DLGAP2: variants seen among roughly 807,000 people sequenced by gnomAD.
DLGAP2 encodes the protein DLG associated protein 2, also known as disks large-associated protein 2.
A neutral mutation model predicts 100.3 loss-of-function variants in DLGAP2; 26 were observed. That is an observed-to-expected ratio of 0.26 (90% confidence interval 0.19 to 0.36). The LOEUF (loss-of-function observed/expected upper bound fraction) is 0.36, where lower values mean the gene tolerates loss of function less well. Among genes scored for constraint, DLGAP2 ranks in the 10% least tolerant of loss-of-function variants. DLGAP2 has a pLI of 1.00. For synonymous variants in DLGAP2, 886 were observed against 630.1 expected (o/e 1.41, Z -6.08); for missense variants, 1,858 against 1,453.2 (o/e 1.28, Z -4.53).
intron 2 of DLGAP2, among the ~76,000 whole-genome samples, chr8:1,158,343 T>C (rs1425452657): frequency 6.6e-6 from 1 of 152,252 alleles, no homozygotes; most frequent in African/African-American, 2.4e-5. Flanking sequence ...TATGTGCATG[T>C]ATGTATGTAC....
At chr8:1,522,896 G>T (rs1372520132) in intron 4 of DLGAP2, among the ~76,000 whole-genome samples, 4 of 152,244 alleles carry the variant, frequency 2.6e-5, no homozygotes, top group African/African-American at 7.2e-5. Flanking sequence ...TTAGGGAGTA[G>T]CTCTACATTG....
At chr8:1,576,206 C>A (rs1802969666) in intron 6 of DLGAP2, among the ~76,000 whole-genome samples, 1 of 152,314 alleles carries the variant, frequency 6.6e-6, no homozygotes, top group South Asian at 2.1e-4. Flanking sequence ...ATTTGCATTT[C>A]TCTGATGGCC....
At chr8:773,800 A>G (rs989332081) in intron 1 of DLGAP2, among the ~76,000 whole-genome samples, 1 of 152,196 alleles carries the variant, frequency 6.6e-6, no homozygotes, top group Admixed American at 6.5e-5. Context: ...TAATACCACA[A>G]TAAACATACA....
intron 1 of DLGAP2, among the ~76,000 whole-genome samples, chr8:872,567 G>C (rs1487483176): frequency 6.6e-6 from 1 of 152,068 alleles, no homozygotes; most frequent in African/African-American, 2.4e-5. Context: ...GACCTCAGGT[G>C]ATCCACCCAC....
chr8:921,964 G>A (rs543329203), intron 2 of DLGAP2, among the ~76,000 whole-genome samples: 4 of 152,344 alleles, frequency 2.6e-5, no homozygotes, highest in East Asian at 1.9e-4. Flanking sequence ...GGTGGGAGCC[G>A]GCTGCAGGCT....
chr8:1,272,792 C>T (rs1585212477), intron 3 of DLGAP2, among the ~76,000 whole-genome samples: 2 of 152,170 alleles, frequency 1.3e-5, no homozygotes, highest in East Asian at 3.9e-4. Flanking sequence ...CTCTCTAGAG[C>T]TGTCAAAGAA....
chr8:1,219,055 A>G (rs1289073291), intron 2 of DLGAP2, among the ~76,000 whole-genome samples: 1 of 152,228 alleles, frequency 6.6e-6, no homozygotes, highest in Non-Finnish European at 1.5e-5. Context: ...GTATAGAATC[A>G]TATAGTCTAA....
At chr8:960,492 C>G (rs763914908) in intron 2 of DLGAP2, among the ~76,000 whole-genome samples, 1 of 151,962 alleles carries the variant, frequency 6.6e-6, no homozygotes. Context: ...GCCTTGGCCT[C>G]CCAAAGTGCT....
chr8:1,121,869 C>T (rs750124026), intron 2 of DLGAP2, among the ~76,000 whole-genome samples: 7 of 152,230 alleles, frequency 4.6e-5, no homozygotes, highest in Non-Finnish European at 5.9e-5. Flanking sequence ...AACCTTCTAT[C>T]CTTGTTCCTT....
chr8:1,182,983 G>C (rs746804880), intron 2 of DLGAP2, among the ~76,000 whole-genome samples: 1 of 152,192 alleles, frequency 6.6e-6, no homozygotes, highest in Admixed American at 6.5e-5. Flanking sequence ...ACATTCGAGC[G>C]AGCTGGGGCC....
chr8:1,223,041 C>G (rs1798346956), intron 2 of DLGAP2, among the ~76,000 whole-genome samples: 1 of 152,192 alleles, frequency 6.6e-6, no homozygotes, highest in Non-Finnish European at 1.5e-5. Flanking sequence ...CTGCCAACTC[C>G]TTGGGCACTT....
At chr8:1,088,361 G>A (rs1249552882) in intron 2 of DLGAP2, among the ~76,000 whole-genome samples, 1 of 147,746 alleles carries the variant, frequency 6.8e-6, no homozygotes, top group African/African-American at 2.5e-5. Flanking sequence ...GGGTGACACA[G>A]GACTTTCTAA....
intron 1 of DLGAP2, among the ~76,000 whole-genome samples, chr8:761,726 G>A (rs940290541): frequency 1.4e-4 from 21 of 152,142 alleles, no homozygotes; most frequent in African/African-American, 4.8e-4. Flanking sequence ...GGCCCGAAAC[G>A]CGGAGCCAGC....
intron 2 of DLGAP2, among the ~76,000 whole-genome samples, chr8:1,000,437 C>T (rs1354302113): frequency 3.1e-5 from 4 of 129,260 alleles, no homozygotes; most frequent in Admixed American, 1.7e-4. Context: ...CAGACAGATC[C>T]GGGTGGGGTG....
intron 3 of DLGAP2, among the ~76,000 whole-genome samples, chr8:1,429,735 C>G (rs1320505478): frequency 1.3e-5 from 2 of 151,574 alleles, no homozygotes; most frequent in Non-Finnish European, 2.9e-5. Flanking sequence ...TACTCCCCAG[C>G]TTCAATCCCA....
intron 1 of DLGAP2, among the ~76,000 whole-genome samples, chr8:900,503 A>G (rs1259109854): frequency 1.3e-5 from 2 of 152,138 alleles, no homozygotes; most frequent in Non-Finnish European, 2.9e-5. Context: ...TATAATTACT[A>G]TTCTTTGTCT....
chr8:1,088,472 G>C (rs1322879527), intron 2 of DLGAP2, among the ~76,000 whole-genome samples: 1 of 152,172 alleles, frequency 6.6e-6, no homozygotes, highest in East Asian at 1.9e-4. Context: ...TCAGAAAACA[G>C]CTGAATTTTA....
intron 1 of DLGAP2, among the ~76,000 whole-genome samples, chr8:754,911 C>T (rs899015003): frequency 1.3e-5 from 2 of 152,150 alleles, no homozygotes; most frequent in African/African-American, 4.8e-5. Flanking sequence ...TATTTTTAGT[C>T]CATCTGGTAA....
chr8:1,485,012 A>G (rs113653601), intron 3 of DLGAP2, among the ~76,000 whole-genome samples: 9 of 152,332 alleles, frequency 5.9e-5, no homozygotes, highest in African/African-American at 1.7e-4. Context: ...AATAACTGCA[A>G]TGAGGATGAA....
Sources: gnomAD v4.1 joint callset for allele counts (sites outside exome capture counted in the v4.1 genomes callset) on GRCh38, gnomAD v4.1.1 for gene constraint, MANE v1.5 for transcripts, NCBI Gene and HGNC (gene_info 2026-07-23, HGNC 2026-07-21) for gene names.